The following KBTBD12 variants were observed in gnomAD, a reference collection of about 807,000 sequenced individuals.
KBTBD12 encodes the protein kelch repeat and BTB domain-containing protein 12.
A neutral mutation model predicts 58.7 loss-of-function variants in KBTBD12; 53 were observed. That is an observed-to-expected ratio of 0.90 (90% confidence interval 0.72 to 1.14). The LOEUF is 1.14. Among genes scored for constraint, KBTBD12 ranks in the 50% most tolerant of loss-of-function variants. The pLI is 0.00. For missense variants in KBTBD12, 704 were observed against 751.3 expected (o/e 0.94, Z 0.74); for synonymous variants, 236 against 259.8 (o/e 0.91, Z 0.88).
intron 5 of KBTBD12, among the ~76,000 whole-genome samples, chr3:127,972,967 G>A (rs7645753): frequency 0.16 from 23,901 of 152,110 alleles, 2,128 homozygotes; most frequent in South Asian, 0.32. Context: ...ATAAAGAACA[G>A]GATAGTCACA....
At chr3:127,935,985 A>G (rs1452454894) in intron 4 of KBTBD12, among the ~76,000 whole-genome samples, 2 of 152,238 alleles carry the variant, frequency 1.3e-5, no homozygotes, top group African/African-American at 4.8e-5. Flanking sequence ...AAATTTCATG[A>G]TAATAAAATT....
At chr3:127,940,736 G>A (rs1035426275) in intron 4 of KBTBD12, among the ~76,000 whole-genome samples, 4 of 151,442 alleles carry the variant, frequency 2.6e-5, no homozygotes, top group Non-Finnish European at 2.9e-5. Flanking sequence ...GAAATTAGAG[G>A]CTGAAAAAAA....
chr3:127,917,619 T>C (rs1187770230), intron 1 of KBTBD12, among the ~76,000 whole-genome samples: 1 of 152,202 alleles, frequency 6.6e-6, no homozygotes, highest in Non-Finnish European at 1.5e-5. Context: ...CCTGAAGCTC[T>C]AGAGGCTGCC....
chr3:127,960,398 G>A (rs1338381769), intron 4 of KBTBD12, among the ~76,000 whole-genome samples: 1 of 152,074 alleles, frequency 6.6e-6, no homozygotes, highest in African/African-American at 2.4e-5. Flanking sequence ...TGCATTTGAG[G>A]TCCATTTGGA....
chr3:127,941,754 C>G (rs1939955325), intron 4 of KBTBD12, among the ~76,000 whole-genome samples: 1 of 152,140 alleles, frequency 6.6e-6, no homozygotes, highest in Admixed American at 6.5e-5. Context: ...CACCTGCCAT[C>G]ACGCCCAGCT....
chr3:127,958,175 C>T (rs1241992918), intron 4 of KBTBD12, among the ~76,000 whole-genome samples: 4 of 152,032 alleles, frequency 2.6e-5, no homozygotes, highest in Non-Finnish European at 1.5e-5. Context: ...GCAGCTGGGT[C>T]ACCAAGACTT....
At chr3:127,929,625 A>G (rs182850430) in intron 3 of KBTBD12, among the ~76,000 whole-genome samples, 75 of 152,284 alleles carry the variant, frequency 4.9e-4, no homozygotes, top group Non-Finnish European at 8.1e-4. Flanking sequence ...CACCATTCCT[A>G]TATAGGCCAT....
intron 4 of KBTBD12, 78 bp downstream of exon 4, chr3:127,930,361 C>A: frequency 1.6e-6 from 2 of 1,243,624 alleles, no homozygotes; most frequent in Non-Finnish European, 2.3e-6. Context: ...ATGAAACGTT[C>A]TCCTTTGCAC....
chr3:127,984,341 C>A lies in KBTBD12; in HGVS notation c.*63C>A. 1 of 1,426,692 alleles carries A rather than the reference C, an allele frequency of 7.0e-7. No individual in the cohort carries two copies. The highest frequency in any genetic ancestry group is 9.7e-7 in the Non-Finnish European group (1 of 1,029,570). 88.4% of individuals were successfully genotyped at this position (1,426,692 alleles called of 1,614,324 possible). A position where few individuals can be genotyped will look rare whatever the true frequency, so the allele number is the denominator to read the frequency against. On this transcript the variant is annotated 3_prime_UTR_variant, in exon 6 of 6. Coordinates refer to ENST00000405109, the MANE Select transcript of KBTBD12 (RefSeq NM_207335.4). ...CAAGGCCTTCAGAACGGAGAGGGCCCACAGCATCTCTGTCATGCCAGTCAT... is the reference window on the plus strand; with the variant it reads ...CAAGGCCTTCAGAACGGAGAGGGCCAACAGCATCTCTGTCATGCCAGTCAT...
rs181786044 is a variant in KBTBD12, at chr3:127,977,371, G to A, written c.1691-6726G>A. 4.6e-5 allele frequency among the ~76,000 whole-genome samples: 7 copies of A among 152,304 alleles called. No individual in the cohort carries two copies. In the East Asian group the frequency reaches 9.6e-4, roughly 21 times the overall value. On this transcript the variant is annotated intron_variant, in intron 5 of 5. Coordinates refer to ENST00000405109, the MANE Select transcript of KBTBD12 (RefSeq NM_207335.4). ...TCCCCAATAATGGAATTGCTGGGTC[G>A]AATGATAGTTCTGTTTTAAGTTCTT...
In KBTBD12 at chr3:127,918,739, G is replaced by A. The variant is rs141540019; in HGVS notation, c.-113+3153G>A. Among the ~76,000 whole-genome samples the A allele has an allele frequency of 4.6e-5, 7 of 151,850 alleles. No homozygotes were observed. In the East Asian group the frequency reaches 1.4e-3, roughly 29 times the overall value. ...AAAAAAAAAAAAGAAAAAGAAAAGA[G>A]AACAGCGTGTTAAAGGCCCATATGC... On this transcript the variant is annotated intron_variant, in intron 1 of 5. Transcript: ENST00000405109.
intron 1 of KBTBD12, among the ~76,000 whole-genome samples, 181 bp downstream of exon 1, chr3:127,915,767 T>A (rs1411046955): frequency 1.3e-5 from 2 of 152,248 alleles, no homozygotes; most frequent in African/African-American, 4.8e-5. Flanking sequence ...TCCCAGGAGC[T>A]GCTCCTCCAG....
At chr3:127,953,341 A>C (rs1940250438) in intron 4 of KBTBD12, among the ~76,000 whole-genome samples, 1 of 152,188 alleles carries the variant, frequency 6.6e-6, no homozygotes, top group East Asian at 1.9e-4. Flanking sequence ...GAGTCTTTCT[A>C]CTTTCTTCAT....
intron 5 of KBTBD12, chr3:127,963,638 G>A: frequency 3.2e-6 from 1 of 312,618 alleles, no homozygotes; most frequent in South Asian, 8.0e-5. Context: ...GAACACACCT[G>A]GTCTCACCTG....
At chr3:127,929,602 A>G (rs942449853) in intron 3 of KBTBD12, among the ~76,000 whole-genome samples, 1 of 152,206 alleles carries the variant, frequency 6.6e-6, no homozygotes, top group Non-Finnish European at 1.5e-5. Flanking sequence ...ATAAATCTTG[A>G]AAATTGAATT....
chr3:127,919,011 C>G (rs1212853897), intron 1 of KBTBD12, among the ~76,000 whole-genome samples: 2 of 152,114 alleles, frequency 1.3e-5, no homozygotes, highest in Admixed American at 6.5e-5. Flanking sequence ...ACATCATTTT[C>G]TGACATCATA....
intron 4 of KBTBD12, among the ~76,000 whole-genome samples, chr3:127,932,873 T>C (rs1023748340): frequency 2.6e-5 from 4 of 152,182 alleles, no homozygotes; most frequent in Admixed American, 1.3e-4. Context: ...AAAGTTTCAC[T>C]TAATAGTCAT....
intron 2 of KBTBD12, among the ~76,000 whole-genome samples, chr3:127,927,495 T>C (rs1368888454): frequency 6.6e-6 from 1 of 152,304 alleles, no homozygotes; most frequent in East Asian, 1.9e-4. Flanking sequence ...AAATGAAGGC[T>C]ACTCCTGGAA....
At chr3:127,966,506 T>TA (rs1288165106) in intron 5 of KBTBD12, among the ~76,000 whole-genome samples, 1 of 152,176 alleles carries the variant, frequency 6.6e-6, no homozygotes, top group African/African-American at 2.4e-5. Context: ...TCTTGGAAAT[T>TA]AAAAAATATA....
Sources: allele counts gnomAD v4.1 joint callset (sites outside exome capture counted in the v4.1 genomes callset), GRCh38; gene constraint gnomAD v4.1.1; transcripts MANE v1.5; gene names NCBI Gene and HGNC (gene_info 2026-07-23, HGNC 2026-07-21).